CRACD: variants seen among roughly 807,000 people sequenced by gnomAD.
CRACD encodes the protein capping protein inhibiting regulator of actin dynamics.
A neutral mutation model predicts 106.8 loss-of-function variants in CRACD; 56 were observed. The observed-to-expected ratio is 0.52, with a 90% CI of 0.42 to 0.66. The LOEUF is 0.66. CRACD is among the 30% of genes least tolerant of loss of function. The pLI is 0.00. For missense variants in CRACD, 1,730 were observed against 1,623.2 expected, an observed-to-expected ratio of 1.07 and a Z score of -1.13; for synonymous variants, 754 against 670.8, an observed-to-expected ratio of 1.12 and a Z score of -1.92.
chr4:56,235,444 T>A (rs1002641387), intron 2 of CRACD, among the ~76,000 whole-genome samples: 4 of 152,250 alleles, frequency 2.6e-5, no homozygotes, highest in Admixed American at 2.6e-4. Context: ...ACAGAGTCAT[T>A]AAATACCAGC....
At chr4:56,281,170 G>T (rs1743018287) in intron 3 of CRACD, among the ~76,000 whole-genome samples, 1 of 152,134 alleles carries the variant, frequency 6.6e-6, no homozygotes, top group South Asian at 2.1e-4. Context: ...TGGCAGGCAA[G>T]GGAGCATTAC....
chr4:56,283,217 G>A (rs916963716), intron 3 of CRACD, among the ~76,000 whole-genome samples: 1 of 152,172 alleles, frequency 6.6e-6, no homozygotes, highest in Non-Finnish European at 1.5e-5. Context: ...CACCAAGAAA[G>A]AAGGGCAGCC....
intron 2 of CRACD, among the ~76,000 whole-genome samples, chr4:56,248,794 C>T (rs1278958541): frequency 2.2e-5 from 3 of 134,516 alleles, no homozygotes; most frequent in Non-Finnish European, 4.7e-5. Context: ...TCTCATTGTT[C>T]AATTCCCACC....
At chr4:56,053,564 G>A (rs190610691) in intron 1 of CRACD, among the ~76,000 whole-genome samples, 116 of 151,990 alleles carry the variant, frequency 7.6e-4, no homozygotes, top group African/African-American at 2.7e-3. Flanking sequence ...ATGGTGTCTG[G>A]TTTGCATTAT....
chr4:56,316,911 C>T (rs1045225157), intron 8 of CRACD, among the ~76,000 whole-genome samples: 1 of 152,072 alleles, frequency 6.6e-6, no homozygotes, highest in African/African-American at 2.4e-5. Flanking sequence ...GACCTTAAGT[C>T]GAGAGCTTAA....
intron 1 of CRACD, among the ~76,000 whole-genome samples, chr4:56,073,268 T>C (rs1337076929): frequency 2.0e-5 from 3 of 152,216 alleles, no homozygotes; most frequent in Non-Finnish European, 2.9e-5. Context: ...CCAGCATCTG[T>C]TGTTTCCTGT....
At position 56,227,412 on chromosome 4, in the gene CRACD, G is replaced by A. The variant is rs370104380; in HGVS notation, c.-188-44909G>A. Among the ~76,000 whole-genome samples the A allele has an allele frequency of 3.2e-4, 48 of 152,296 alleles. 1 individual carries two copies. In the East Asian group the frequency reaches 3.5e-3, roughly 11 times the overall value. On this transcript the variant is annotated intron_variant, in intron 2 of 10. Coordinates refer to ENST00000682029, the MANE Select transcript of CRACD (RefSeq NM_001393381.1). ...ACTGATAGATACACTAAGTTAGAAT[G>A]TTAAGTGATAAAGTCATACAACAAC...
intron 3 of CRACD, among the ~76,000 whole-genome samples, chr4:56,290,427 T>A (rs1217242302): frequency 1.3e-5 from 2 of 151,952 alleles, no homozygotes; most frequent in Non-Finnish European, 2.9e-5. Flanking sequence ...GCAGAAACAG[T>A]GGGAAAGTCA....
intron 2 of CRACD, among the ~76,000 whole-genome samples, chr4:56,190,282 A>G (rs1737311886): frequency 6.6e-6 from 1 of 151,854 alleles, no homozygotes; most frequent in Non-Finnish European, 1.5e-5. Flanking sequence ...ATAAACATAC[A>G]TGTGCATGTG....
chr4:56,101,678 G>T (rs760222252), intron 1 of CRACD, among the ~76,000 whole-genome samples: 1 of 149,988 alleles, frequency 6.7e-6, no homozygotes, highest in African/African-American at 2.5e-5. Flanking sequence ...CAGGAGAATC[G>T]CTTGAACCCA....
Position 56,175,361 on chromosome 4 carries a change from C to T in CRACD, c.-335-3923C>T, listed in dbSNP as rs375555419. 5.9e-5 allele frequency among the ~76,000 whole-genome samples: 9 copies of T among 152,266 alleles called. No individual in the cohort carries two copies. In the South Asian group the frequency reaches 1.9e-3, roughly 32 times the overall value. ...TTACTTCCTATCTTTTTGTTAATAG[C>T]AATTTTAACTGGTGTGAGATAATAT... On this transcript the variant is annotated intron_variant, in intron 1 of 10. Coordinates refer to ENST00000682029, the MANE Select transcript of CRACD (RefSeq NM_001393381.1).
chr4:56,280,844 G>A (rs760684773), intron 3 of CRACD, among the ~76,000 whole-genome samples: 3 of 152,178 alleles, frequency 2.0e-5, no homozygotes, highest in Non-Finnish European at 2.9e-5. Context: ...CCTGCTTACC[G>A]TTGTTTGCAT....
chr4:56,261,502 C>G lies in CRACD; in HGVS notation c.-188-10819C>G, dbSNP rs149937702. ...AGTAGCTTGGATTACAGGTGCCCAC[C>G]ACCACGCCCAGCTAATTTTTGTGTT... is the stretch of plus-strand genomic sequence containing the variant. On this transcript the variant is annotated intron_variant, in intron 2 of 10. Transcript: ENST00000682029. Among the ~76,000 whole-genome samples, 300 of 152,092 alleles carry G rather than the reference C, an allele frequency of 2.0e-3. 2 individuals are homozygous for G. The highest frequency in any genetic ancestry group is 6.1e-3 in the African/African-American group (253 of 41,486).
intron 2 of CRACD, among the ~76,000 whole-genome samples, chr4:56,254,396 G>C (rs1741221759): frequency 1.1e-5 from 1 of 89,534 alleles, no homozygotes; most frequent in Non-Finnish European, 2.1e-5. Context: ...AGTTTTGTGG[G>C]GGTTTTTTTT....
chr4:56,263,201 T>C (rs968184460), intron 2 of CRACD, among the ~76,000 whole-genome samples: 7 of 152,184 alleles, frequency 4.6e-5, no homozygotes, highest in Non-Finnish European at 8.8e-5. Context: ...ATGTGACACC[T>C]GGATTGTGTT....
chr4:56,232,788 G>A (rs1183582460), intron 2 of CRACD, among the ~76,000 whole-genome samples: 4 of 151,510 alleles, frequency 2.6e-5, no homozygotes, highest in South Asian at 2.1e-4. Flanking sequence ...GCAGTGGCGC[G>A]ATCTCGGCTC....
intron 2 of CRACD, among the ~76,000 whole-genome samples, chr4:56,234,264 A>G (rs1449280580): frequency 6.6e-6 from 1 of 152,106 alleles, no homozygotes; most frequent in African/African-American, 2.4e-5. Context: ...CTCCCCTCCA[A>G]TAGCCCCTGG....
chr4:56,079,024 A>G (rs185663983), intron 1 of CRACD, among the ~76,000 whole-genome samples: 1 of 152,308 alleles, frequency 6.6e-6, no homozygotes, highest in East Asian at 1.9e-4. Flanking sequence ...GCAGGTCCAG[A>G]GAACGGAGCA....
At chr4:56,190,530 T>C (rs1737324706) in intron 2 of CRACD, among the ~76,000 whole-genome samples, 1 of 152,236 alleles carries the variant, frequency 6.6e-6, no homozygotes, top group Non-Finnish European at 1.5e-5. Flanking sequence ...GATTCTGAAT[T>C]AAACAAAGTT....
Sources: allele counts gnomAD v4.1 joint callset (sites outside exome capture counted in the v4.1 genomes callset), GRCh38; gene constraint gnomAD v4.1.1; transcripts MANE v1.5; gene names NCBI Gene and HGNC (gene_info 2026-07-23, HGNC 2026-07-21).